Variants in HS3ST4 observed in about 807,000 individuals in gnomAD.
HS3ST4 encodes the protein heparan sulfate-glucosamine 3-sulfotransferase 4.
HS3ST4 carries 17 observed loss-of-function variants against 29.2 expected under a neutral mutation model. The observed-to-expected ratio is 0.58, with a 90% confidence interval of 0.40 to 0.87. The LOEUF is 0.87. Ranked by LOEUF, HS3ST4 falls within the 40% of genes least tolerant of loss-of-function variation. HS3ST4 has a pLI of 0.00. For synonymous variants in HS3ST4, 314 were observed against 285.7 expected (o/e 1.10, Z -1.00); for missense variants, 627 against 634.5 (o/e 0.99, Z 0.13).
chr16:25,784,972 C>G (rs1042155971), intron 1 of HS3ST4, among the ~76,000 whole-genome samples: 3 of 152,170 alleles, frequency 2.0e-5, no homozygotes, highest in Non-Finnish European at 2.9e-5. Context: ...CAGCTGGTGA[C>G]TTTAAGTTGA....
intron 1 of HS3ST4, among the ~76,000 whole-genome samples, chr16:25,995,129 C>G (rs145541809): frequency 2.4e-3 from 360 of 152,272 alleles, no homozygotes; most frequent in African/African-American, 8.1e-3. Context: ...TGTACTATTC[C>G]TCTGGCTGAT....
intron 1 of HS3ST4, among the ~76,000 whole-genome samples, chr16:26,013,547 T>TTTA (rs940351983): frequency 4.6e-5 from 7 of 152,228 alleles, no homozygotes; most frequent in African/African-American, 1.7e-4. Context: ...TGCTTAAATT[T>TTTA]TTATTTAAGT....
chr16:26,108,945 G>GAA (rs1243728265), intron 1 of HS3ST4, among the ~76,000 whole-genome samples: 1 of 152,088 alleles, frequency 6.6e-6, no homozygotes, highest in Non-Finnish European at 1.5e-5. Flanking sequence ...GCACTAAGAG[G>GAA]AATTCTGCCT....
At chr16:26,134,562 A>G (rs1239543028) in intron 1 of HS3ST4, among the ~76,000 whole-genome samples, 2 of 151,888 alleles carry the variant, frequency 1.3e-5, no homozygotes, top group Non-Finnish European at 2.9e-5. Context: ...GGGTTTCACC[A>G]TATTGGCCAG....
At chr16:25,838,261 G>A (rs1327163438) in intron 1 of HS3ST4, among the ~76,000 whole-genome samples, 2 of 152,130 alleles carry the variant, frequency 1.3e-5, no homozygotes, top group African/African-American at 4.8e-5. Flanking sequence ...AGCTTTAGTG[G>A]GACTACAGTG....
At chr16:26,022,973 C>T (rs1354421863) in intron 1 of HS3ST4, among the ~76,000 whole-genome samples, 4 of 151,816 alleles carry the variant, frequency 2.6e-5, no homozygotes, top group East Asian at 1.9e-4. Context: ...ATCCAGGAGG[C>T]GGAGGTTGCA....
At chr16:26,096,945 A>C (rs1030288914) in intron 1 of HS3ST4, among the ~76,000 whole-genome samples, 1 of 152,096 alleles carries the variant, frequency 6.6e-6, no homozygotes, top group African/African-American at 2.4e-5. Flanking sequence ...AATTACAGAC[A>C]AACAGAGAGC....
chr16:25,744,161 G>A (rs909742720), intron 1 of HS3ST4, among the ~76,000 whole-genome samples: 2 of 152,186 alleles, frequency 1.3e-5, no homozygotes, highest in East Asian at 3.9e-4. Context: ...CTTTATTAAT[G>A]TAACCTGACA....
intron 1 of HS3ST4, among the ~76,000 whole-genome samples, chr16:25,847,690 G>A (rs1024655367): frequency 1.3e-5 from 2 of 152,014 alleles, no homozygotes; most frequent in African/African-American, 4.8e-5. Flanking sequence ...AACTCTTCCT[G>A]GGAATTCAGG....
At chr16:25,873,417 C>CCATCTGT (rs1555470002) in intron 1 of HS3ST4, among the ~76,000 whole-genome samples, 7 of 103,246 alleles carry the variant, frequency 6.8e-5, no homozygotes, top group South Asian at 3.3e-4. Flanking sequence ...CATCCATCCA[C>CCATCTGT]CCATCCATCC....
chr16:25,693,815 A>G (rs1966274392), intron 1 of HS3ST4, among the ~76,000 whole-genome samples: 1 of 152,166 alleles, frequency 6.6e-6, no homozygotes, highest in African/African-American at 2.4e-5. Flanking sequence ...GAGAGTTTTT[A>G]TGCCTCAGAC....
chr16:26,121,830 G>A (rs1015726905), intron 1 of HS3ST4, among the ~76,000 whole-genome samples: 1 of 152,198 alleles, frequency 6.6e-6, no homozygotes, highest in Non-Finnish European at 1.5e-5. Context: ...ACAGACATTG[G>A]TGTGTGAGGT....
intron 1 of HS3ST4, among the ~76,000 whole-genome samples, chr16:25,790,433 A>G (rs1006209740): frequency 6.6e-6 from 1 of 152,180 alleles, no homozygotes; most frequent in Non-Finnish European, 1.5e-5. Context: ...AAAGAAAAAC[A>G]AACAAATAAA....
chr16:25,795,207 G>A lies in HS3ST4; in HGVS notation c.734+102056G>A, dbSNP rs150985475. Among the ~76,000 whole-genome samples the A allele has an allele frequency of 7.2e-5, 11 of 152,148 alleles. No homozygotes were observed. In the East Asian group the frequency reaches 2.1e-3, roughly 29 times the overall value. On this transcript the variant is annotated intron_variant, in intron 1 of 1. Transcript: ENST00000331351. ...AGGTTGGTCTTGAATTCCTGACCTC[G>A]TGATCCGCCTGCCTAGGCCTCCCAA...
intron 1 of HS3ST4, among the ~76,000 whole-genome samples, chr16:25,914,601 TGTGTGTAGG>T (rs1285380290): frequency 2.0e-5 from 3 of 146,868 alleles, no homozygotes; most frequent in Non-Finnish European, 3.0e-5. Flanking sequence ...ATGTGTATGG[TGTGTGTAGG>T]GTGTGTGGGG....
chr16:26,006,268 C>T (rs112630424), intron 1 of HS3ST4, among the ~76,000 whole-genome samples: 22 of 118,594 alleles, frequency 1.9e-4, no homozygotes, highest in African/African-American at 7.1e-4. Flanking sequence ...CATTGCACTC[C>T]AGCCTAGGTG....
At chr16:25,721,574 A>T (rs1307245067) in intron 1 of HS3ST4, among the ~76,000 whole-genome samples, 1 of 152,222 alleles carries the variant, frequency 6.6e-6, no homozygotes, top group Non-Finnish European at 1.5e-5. Flanking sequence ...GGGATGGCCC[A>T]GTTGACCATC....
chr16:25,918,538 G>A lies in HS3ST4; in HGVS notation c.735-217074G>A, dbSNP rs185275785. 3.8e-3 allele frequency among the ~76,000 whole-genome samples: 573 copies of A among 152,332 alleles called. 7 individuals carry two copies. The highest frequency in any genetic ancestry group is 4.8e-3 in the Admixed American group (74 of 15,294). ...TGTAGCATGAGTAGTTTAGAGGGGC[G>A]CTGGCGTGAGGCCAATGGACTGAAA... On this transcript the variant is annotated intron_variant, in intron 1 of 1. Transcript: ENST00000331351.
intron 1 of HS3ST4, among the ~76,000 whole-genome samples, chr16:25,946,107 A>T (rs943419883): frequency 1.1e-4 from 17 of 152,124 alleles, no homozygotes; most frequent in African/African-American, 3.4e-4. Flanking sequence ...CTGTTCAAGA[A>T]ACTCATTTCT....
Sources: allele counts gnomAD v4.1 joint callset (sites outside exome capture counted in the v4.1 genomes callset), GRCh38; gene constraint gnomAD v4.1.1; transcripts MANE v1.5; gene names NCBI Gene and HGNC (gene_info 2026-07-23, HGNC 2026-07-21).